ATF3: variants seen among roughly 807,000 people sequenced by gnomAD.
ATF3 encodes the protein activating transcription factor 3.
A neutral mutation model predicts 18.4 loss-of-function variants in ATF3; 10 were observed. The ratio of observed to expected loss-of-function variants is 0.54; its 90% CI spans 0.34 to 0.92. The LOEUF (loss-of-function observed/expected upper bound fraction) is 0.92, where lower values mean the gene tolerates loss of function less well. Ranked by LOEUF, ATF3 falls within the 40% of genes least tolerant of loss-of-function variation. The pLI is 0.02. For missense variants in ATF3, 183 were observed against 222.3 expected, an observed-to-expected ratio of 0.82 and a Z score of 1.12; for synonymous variants, 78 against 87.9, an observed-to-expected ratio of 0.89 and a Z score of 0.63.
chr1:212,570,127 C>G, intron 1 of ATF3, among the ~76,000 whole-genome samples: 1 of 138,198 alleles, frequency 7.2e-6, no homozygotes, highest in South Asian at 2.4e-4. Flanking sequence ...ACAAAGACCT[C>G]CCTATCTATT....
At chr1:212,598,312 T>A (rs563793210) in intron 1 of ATF3, among the ~76,000 whole-genome samples, 1 of 152,350 alleles carries the variant, frequency 6.6e-6, no homozygotes, top group Non-Finnish European at 1.5e-5. Context: ...TCTTACTTTT[T>A]AAAATTTATT....
intron 1 of ATF3, among the ~76,000 whole-genome samples, chr1:212,593,110 T>TA (rs945554989): frequency 6.6e-6 from 1 of 151,714 alleles, no homozygotes; most frequent in Admixed American, 6.6e-5. Flanking sequence ...TATGCAGCCA[T>TA]AAAAAAATGA....
chr1:212,572,422 C>T (rs1558223836), intron 1 of ATF3, among the ~76,000 whole-genome samples: 1 of 151,776 alleles, frequency 6.6e-6, no homozygotes, highest in African/African-American at 2.4e-5. Flanking sequence ...GAGGCTGAGG[C>T]AGAGAAGGAT....
At chr1:212,595,435 C>T (rs540124491) in intron 1 of ATF3, among the ~76,000 whole-genome samples, 3 of 152,326 alleles carry the variant, frequency 2.0e-5, no homozygotes, top group East Asian at 1.9e-4. Flanking sequence ...AGCCCCAGCC[C>T]GGTGCTCCCG....
At chr1:212,609,042 C>T (rs1437357491) in intron 1 of ATF3, 112 bp downstream of exon 1, 1 of 152,300 alleles carries the variant, frequency 6.6e-6, no homozygotes, top group Non-Finnish European at 1.5e-5. Flanking sequence ...CGGATCCGCG[C>T]CCCCAGCCTC....
chr1:212,581,623 T>G (rs1664686709), intron 1 of ATF3, among the ~76,000 whole-genome samples: 1 of 152,116 alleles, frequency 6.6e-6, no homozygotes, highest in South Asian at 2.1e-4. Context: ...TGAAGAGAAA[T>G]AGACAGCATA....
At chr1:212,585,309 T>C (rs886683890) in intron 1 of ATF3, among the ~76,000 whole-genome samples, 1 of 152,144 alleles carries the variant, frequency 6.6e-6, no homozygotes, top group Non-Finnish European at 1.5e-5. Context: ...TCCTCTGCCT[T>C]GCCCCCGTGC....
chr1:212,575,128 G>T (rs1328785553), intron 1 of ATF3, among the ~76,000 whole-genome samples: 1 of 151,900 alleles, frequency 6.6e-6, no homozygotes, highest in African/African-American at 2.4e-5. Flanking sequence ...CACCAGAGGT[G>T]CCACCAAGAT....
At chr1:212,585,294 T>C (rs578212830) in intron 1 of ATF3, among the ~76,000 whole-genome samples, 1 of 152,318 alleles carries the variant, frequency 6.6e-6, no homozygotes, top group Admixed American at 6.5e-5. Context: ...AGACTCAGCC[T>C]GGCTTCCTCT....
At chr1:212,570,660 T>A (rs1268877802) in intron 1 of ATF3, among the ~76,000 whole-genome samples, 1 of 152,242 alleles carries the variant, frequency 6.6e-6, no homozygotes, top group East Asian at 1.9e-4. Context: ...CCACAGATTT[T>A]AGTTTTTTCA....
chr1:212,589,158 C>T (rs1664834526), intron 1 of ATF3, among the ~76,000 whole-genome samples: 1 of 152,142 alleles, frequency 6.6e-6, no homozygotes, highest in African/African-American at 2.4e-5. Context: ...GATCCTAGCA[C>T]ACTCGGCATC....
chr1:212,598,151 A>G (rs1332807373), intron 1 of ATF3, among the ~76,000 whole-genome samples: 1 of 152,216 alleles, frequency 6.6e-6, no homozygotes, highest in Non-Finnish European at 1.5e-5. Flanking sequence ...AGAAATATAT[A>G]AGTAGAAGAG....
At chr1:212,611,068 C>T (rs1307265360) in intron 1 of ATF3, among the ~76,000 whole-genome samples, 3 of 152,188 alleles carry the variant, frequency 2.0e-5, no homozygotes, top group East Asian at 3.8e-4. Flanking sequence ...CCAGTGGCTT[C>T]GAGTGTTTAC....
intron 1 of ATF3, among the ~76,000 whole-genome samples, chr1:212,586,870 G>A (rs1664788364): frequency 6.6e-6 from 1 of 152,220 alleles, no homozygotes; most frequent in Non-Finnish European, 1.5e-5. Context: ...TTGATGGGGA[G>A]CCAATTCTCA....
At chr1:212,600,862 G>A (rs1654463865) in intron 1 of ATF3, among the ~76,000 whole-genome samples, 1 of 152,036 alleles carries the variant, frequency 6.6e-6, no homozygotes, top group Non-Finnish European at 1.5e-5. Context: ...AATGTTGGAG[G>A]ACTAAACATA....
chr1:212,580,950 G>T (rs1375208181), intron 1 of ATF3, among the ~76,000 whole-genome samples: 2 of 152,078 alleles, frequency 1.3e-5, no homozygotes, highest in Non-Finnish European at 2.9e-5. Flanking sequence ...TGTATTTTTA[G>T]TAGAGACAGG....
intron 1 of ATF3, among the ~76,000 whole-genome samples, chr1:212,587,971 A>G (rs1193588752): frequency 3.3e-5 from 5 of 152,130 alleles, no homozygotes; most frequent in Non-Finnish European, 1.5e-5. Context: ...GGCGGGTTTC[A>G]TTCCCTCTGT....
At chr1:212,600,439 C>G (rs915233205) in intron 1 of ATF3, among the ~76,000 whole-genome samples, 1 of 152,262 alleles carries the variant, frequency 6.6e-6, no homozygotes, top group African/African-American at 2.4e-5. Flanking sequence ...TGTGCATGTT[C>G]TCTCCATTCC....
upstream of ATF3, among the ~76,000 whole-genome samples, chr1:212,604,827 C>T (rs1335534762): frequency 6.6e-6 from 1 of 152,102 alleles, no homozygotes; most frequent in Admixed American, 6.6e-5. Context: ...AGAACCAGAC[C>T]CCAAACCCAA....
Sources: allele counts gnomAD v4.1 joint callset (sites outside exome capture counted in the v4.1 genomes callset), GRCh38; gene constraint gnomAD v4.1.1; transcripts MANE v1.5; gene names NCBI Gene and HGNC (gene_info 2026-07-23, HGNC 2026-07-21).